The following TRPS1 variants were observed in gnomAD, a reference collection of about 807,000 sequenced individuals.
TRPS1 encodes the protein transcriptional repressor GATA binding 1.
TRPS1 carries 6 observed loss-of-function variants against 101.2 expected under a neutral mutation model. That is an observed-to-expected ratio of 0.06 (90% CI 0.03 to 0.12). The LOEUF (loss-of-function observed/expected upper bound fraction) is 0.12, where lower values mean the gene tolerates loss of function less well. Ranked by LOEUF, TRPS1 falls within the 10% of genes least tolerant of loss-of-function variation. The pLI, the probability that TRPS1 is intolerant of heterozygous loss-of-function variation, is 1.00. For synonymous variants in TRPS1, 578 were observed against 589.8 expected, an observed-to-expected ratio of 0.98 and a Z score of 0.29; for missense variants, 1,363 against 1,567.0, an observed-to-expected ratio of 0.87 and a Z score of 2.20.
At chr8:115,588,203 T>C (rs961822146) in intron 4 of TRPS1, among the ~76,000 whole-genome samples, 1 of 152,208 alleles carries the variant, frequency 6.6e-6, no homozygotes, top group South Asian at 2.1e-4. Context: ...TAAATCATTA[T>C]CAAATTATTA....
At chr8:115,439,946 G>A (rs115148406) in intron 5 of TRPS1, among the ~76,000 whole-genome samples, 1,695 of 152,172 alleles carry the variant, frequency 0.011, 30 homozygotes, top group African/African-American at 0.037. Context: ...TGTGTTATGG[G>A]CTGCACTTTA....
At chr8:115,558,039 C>T (rs1221852211) in intron 5 of TRPS1, among the ~76,000 whole-genome samples, 1 of 150,774 alleles carries the variant, frequency 6.6e-6, no homozygotes, top group East Asian at 1.9e-4. Context: ...TCCAAGTAAC[C>T]AGATTTCTAA....
chr8:115,436,161 T>C (rs1813448072), intron 5 of TRPS1, among the ~76,000 whole-genome samples: 1 of 152,136 alleles, frequency 6.6e-6, no homozygotes, highest in East Asian at 1.9e-4. Flanking sequence ...ACAACTCACA[T>C]TGTATGACTA....
intron 5 of TRPS1, among the ~76,000 whole-genome samples, chr8:115,480,306 C>T (rs949363764): frequency 1.3e-5 from 2 of 151,810 alleles, no homozygotes; most frequent in African/African-American, 2.4e-5. Context: ...AATGAAGCAC[C>T]CAGTAATGGT....
chr8:115,445,561 T>C (rs1294871692), intron 5 of TRPS1, among the ~76,000 whole-genome samples: 1 of 152,212 alleles, frequency 6.6e-6, no homozygotes, highest in Middle Eastern at 3.2e-3. Context: ...AAGTGTTTGT[T>C]ACTGTATGAG....
At chr8:115,573,117 T>A (rs1422342675) in intron 5 of TRPS1, among the ~76,000 whole-genome samples, 1 of 148,938 alleles carries the variant, frequency 6.7e-6, no homozygotes, top group Non-Finnish European at 1.5e-5. Flanking sequence ...AGAGCGAAAC[T>A]CCATCTCAAA....
intron 5 of TRPS1, among the ~76,000 whole-genome samples, chr8:115,584,518 G>A (rs990224461): frequency 6.6e-6 from 1 of 151,566 alleles, no homozygotes; most frequent in African/African-American, 2.4e-5. Context: ...TATTTCTATG[G>A]TGTATTTTAA....
intron 5 of TRPS1, among the ~76,000 whole-genome samples, chr8:115,524,474 C>G (rs1049600836): frequency 1.3e-5 from 2 of 151,956 alleles, no homozygotes; most frequent in Non-Finnish European, 2.9e-5. Flanking sequence ...GCATGCGCCA[C>G]CACGCCCAGC....
At chr8:115,438,463 T>C (rs1813511352) in intron 5 of TRPS1, among the ~76,000 whole-genome samples, 1 of 152,314 alleles carries the variant, frequency 6.6e-6, no homozygotes, top group East Asian at 1.9e-4. Flanking sequence ...GAAGAGCAAC[T>C]GGTCAATCAT....
At chr8:115,491,389 A>G (rs116625100) in intron 5 of TRPS1, among the ~76,000 whole-genome samples, 1 of 152,286 alleles carries the variant, frequency 6.6e-6, no homozygotes, top group African/African-American at 2.4e-5. Context: ...ATCATTACCC[A>G]TTCCATCCTG....
rs533062223 is a variant in TRPS1, at chr8:115,456,775, C to CT, written c.2701-38324dup. Among the ~76,000 whole-genome samples the CT allele has an allele frequency of 2.8e-3, 421 of 152,130 alleles. 3 individuals are homozygous for CT. The highest frequency in any genetic ancestry group is 4.9e-3 in the Non-Finnish European group (335 of 67,982). ...AGGAACATGTATAGGCATGCTTCTT[C>CT]TTTTTTTGATATGATAAAATCCTCA... On this transcript the variant is annotated intron_variant, in intron 5 of 6. Coordinates refer to ENST00000395715, the MANE Select transcript of TRPS1 (RefSeq NM_014112.5).
intron 5 of TRPS1, among the ~76,000 whole-genome samples, chr8:115,514,430 C>T (rs550153939): frequency 7.9e-5 from 12 of 151,676 alleles, no homozygotes; most frequent in African/African-American, 2.9e-4. Context: ...GGAGTAATAT[C>T]ACTATACCTC....
rs143787611 is a variant in TRPS1, at chr8:115,433,334, T to C, written c.2701-14882A>G. ...AGTCAATTTCAAGGGAAAAATTCTCTAAGTTTCTTACAGAACACAAAAACT... is the reference window on the plus strand; with the variant it reads ...AGTCAATTTCAAGGGAAAAATTCTCCAAGTTTCTTACAGAACACAAAAACT... On this transcript the variant is annotated intron_variant, in intron 5 of 6. Transcript: ENST00000395715. Among the ~76,000 whole-genome samples the C allele has an allele frequency of 6.4e-3, 977 of 152,198 alleles. 13 individuals are homozygous for C. The highest frequency in any genetic ancestry group is 0.023 in the African/African-American group (939 of 41,544).
intron 5 of TRPS1, among the ~76,000 whole-genome samples, chr8:115,535,438 T>C (rs932609302): frequency 2.7e-5 from 4 of 147,476 alleles, no homozygotes; most frequent in Non-Finnish European, 5.9e-5. Flanking sequence ...AGTGCATATA[T>C]ATAGCGTATA....
At chr8:115,575,162 C>T (rs1817288145) in intron 5 of TRPS1, among the ~76,000 whole-genome samples, 1 of 151,986 alleles carries the variant, frequency 6.6e-6, no homozygotes, top group African/African-American at 2.4e-5. Context: ...TATAAACATA[C>T]TAAAAGTGGC....
chr8:115,420,858 C>G (rs1324293442), intron 5 of TRPS1, among the ~76,000 whole-genome samples: 1 of 152,102 alleles, frequency 6.6e-6, no homozygotes, highest in Non-Finnish European at 1.5e-5. Flanking sequence ...GGTTAATAAT[C>G]AGATTTAGGT....
intron 5 of TRPS1, among the ~76,000 whole-genome samples, chr8:115,522,138 A>G (rs1007909329): frequency 3.3e-5 from 5 of 151,972 alleles, no homozygotes; most frequent in African/African-American, 1.2e-4. Context: ...TCTACGTAAG[A>G]TAGGGTATTG....
chr8:115,536,100 G>A (rs1402764392), intron 5 of TRPS1, among the ~76,000 whole-genome samples: 1 of 152,056 alleles, frequency 6.6e-6, no homozygotes, highest in Admixed American at 6.6e-5. Context: ...ACTAAGGTAC[G>A]TGTTACCAAA....
intron 5 of TRPS1, among the ~76,000 whole-genome samples, chr8:115,554,621 G>C (rs73703315): frequency 0.016 from 2,363 of 152,278 alleles, 73 homozygotes; most frequent in African/African-American, 0.054. Context: ...TTGCACCGCA[G>C]TTTTCGATTC....
Sources: gnomAD v4.1 joint callset for allele counts (sites outside exome capture counted in the v4.1 genomes callset) on GRCh38, gnomAD v4.1.1 for gene constraint, MANE v1.5 for transcripts, NCBI Gene and HGNC (gene_info 2026-07-23, HGNC 2026-07-21) for gene names.